C4orf17: variants seen among roughly 807,000 people sequenced by gnomAD.
C4orf17 encodes chromosome 4 open reading frame 17, also known as uncharacterized protein C4orf17.
C4orf17 carries 25 observed loss-of-function variants against 32.0 expected under a neutral mutation model. The observed-to-expected ratio is 0.78, with a 90% confidence interval of 0.57 to 1.09. The LOEUF (loss-of-function observed/expected upper bound fraction) is 1.09. Among genes scored for constraint, C4orf17 ranks in the 50% least tolerant of loss-of-function variants. C4orf17 has a pLI of 0.00. For missense variants in C4orf17, 420 were observed against 420.0 expected (o/e 1.00, Z 0.00); for synonymous variants, 149 against 145.8 (o/e 1.02, Z -0.16).
At chr4:99,520,353 C>G (rs887519384) in intron 2 of C4orf17, among the ~76,000 whole-genome samples, 6 of 152,286 alleles carry the variant, frequency 3.9e-5, no homozygotes, top group Middle Eastern at 3.4e-3. Context: ...CCTCAGCCTC[C>G]CAAAGTGCTG....
intron 3 of C4orf17, among the ~76,000 whole-genome samples, chr4:99,523,450 T>A (rs1433227018): frequency 2.0e-5 from 3 of 152,218 alleles, no homozygotes; most frequent in Non-Finnish European, 2.9e-5. Context: ...GAGTACTCAC[T>A]ATATGGACAT....
At chr4:99,527,300 T>C (rs1197384263) in intron 4 of C4orf17, among the ~76,000 whole-genome samples, 1 of 152,196 alleles carries the variant, frequency 6.6e-6, no homozygotes, top group East Asian at 1.9e-4. Flanking sequence ...TATTGAGACT[T>C]GTTATATGGC....
chr4:99,513,240 C>G (rs777052327), intron 2 of C4orf17, 32 bp downstream of exon 2: 1 of 1,611,610 alleles, frequency 6.2e-7, no homozygotes, highest in South Asian at 1.1e-5. Context: ...GTATGTGTCT[C>G]TATTCTCTAC....
At chr4:99,527,381 G>A (rs1457680194) in intron 4 of C4orf17, among the ~76,000 whole-genome samples, 1 of 152,088 alleles carries the variant, frequency 6.6e-6, no homozygotes, top group Admixed American at 6.5e-5. Flanking sequence ...CTGTTGTTTG[G>A]TAGAACGCAA....
At position 99,537,757 on chromosome 4, in the gene C4orf17, T is replaced by C. The variant is rs1723585578; in HGVS notation, c.628+7T>C. On this transcript the variant is annotated splice_region_variant and intron_variant, in intron 6 of 8. Transcript: ENST00000326581. ...CTTCATGCAACTTCAAAAGGTGCGA[T>C]TAAGATATAAATTTTAAAACACTGA... is the stretch of plus-strand genomic sequence containing the variant. 1 of 1,602,260 alleles carries C rather than the reference T, an allele frequency of 6.2e-7. No homozygotes were observed. Among genetic ancestry groups the C allele is most frequent in the Non-Finnish European group, 8.5e-7 (1 of 1,171,992 alleles).
chr4:99,532,806 T>C (rs1417475417), intron 5 of C4orf17, among the ~76,000 whole-genome samples: 1 of 152,092 alleles, frequency 6.6e-6, no homozygotes. Flanking sequence ...TTCATAGAGG[T>C]TATGAAATAA....
intron 1 of C4orf17, among the ~76,000 whole-genome samples, chr4:99,511,694 C>A (rs1325271162): frequency 6.6e-6 from 1 of 151,992 alleles, no homozygotes; most frequent in Admixed American, 6.6e-5. Flanking sequence ...GTACTCTTTT[C>A]CCCTCAATAC....
At chr4:99,530,218 A>G (rs883028) in intron 5 of C4orf17, among the ~76,000 whole-genome samples, 89,946 of 151,872 alleles carry the variant, frequency 0.59, 29,885 homozygotes, top group African/African-American at 0.89. Context: ...CACAAACCCA[A>G]CCCTATTCTT....
chr4:99,534,207 G>C (rs1723523457), intron 5 of C4orf17, among the ~76,000 whole-genome samples: 1 of 152,068 alleles, frequency 6.6e-6, no homozygotes, highest in South Asian at 2.1e-4. Context: ...TCATTGTTCA[G>C]CTCCCACTTA....
intron 4 of C4orf17, 35 bp downstream of exon 4, chr4:99,524,620 T>C (rs1723356700): frequency 7.7e-7 from 1 of 1,306,300 alleles, no homozygotes; most frequent in East Asian, 2.3e-5. Flanking sequence ...TCTATTTAGT[T>C]TGACTTCTAT....
chr4:99,529,768 A>G (rs1172721340), intron 4 of C4orf17, 47 bp from the exon 5 acceptor site: 4 of 1,459,500 alleles, frequency 2.7e-6, no homozygotes, highest in Non-Finnish European at 3.7e-6. Context: ...CATAGAAAAT[A>G]TAGGTGGATG....
chr4:99,520,074 C>CA (rs1185762412), intron 2 of C4orf17, among the ~76,000 whole-genome samples: 2 of 150,218 alleles, frequency 1.3e-5, no homozygotes, highest in Non-Finnish European at 3.0e-5. Flanking sequence ...GAAAAAACCC[C>CA]AAAACCCACA....
At chr4:99,518,640 C>T (rs1434450398) in intron 2 of C4orf17, among the ~76,000 whole-genome samples, 1 of 142,584 alleles carries the variant, frequency 7.0e-6, no homozygotes, top group African/African-American at 2.6e-5. Context: ...CCTTTGGAGG[C>T]TTCCCATGCA....
intron 2 of C4orf17, among the ~76,000 whole-genome samples, chr4:99,520,236 C>T (rs1004085585): frequency 6.7e-6 from 1 of 150,114 alleles, no homozygotes; most frequent in Non-Finnish European, 1.5e-5. Context: ...ACTACAGGCG[C>T]CTGCCACTGT....
chr4:99,538,538 C>T (rs7661453), intron 6 of C4orf17, among the ~76,000 whole-genome samples: 53,758 of 152,090 alleles, frequency 0.35, 10,191 homozygotes, highest in African/African-American at 0.49. Flanking sequence ...AGGAATTCAA[C>T]ACTACTTTTT....
At chr4:99,524,682 C>A in intron 4 of C4orf17, 97 bp downstream of exon 4, 1 of 726,174 alleles carries the variant, frequency 1.4e-6, no homozygotes, top group Non-Finnish European at 2.4e-6. Context: ...CCATGTTTCA[C>A]AATATTTTTA....
chr4:99,522,300 C>A (rs1290164581), intron 2 of C4orf17, among the ~76,000 whole-genome samples, 200 bp from the exon 3 acceptor site: 2 of 151,992 alleles, frequency 1.3e-5, no homozygotes, highest in African/African-American at 2.4e-5. Context: ...TGTAATTGGC[C>A]ACACTGACTT....
intron 4 of C4orf17, 28 bp downstream of exon 4, chr4:99,524,613 A>G (rs764047865): frequency 1.1e-5 from 15 of 1,379,248 alleles, no homozygotes; most frequent in African/African-American, 1.4e-5. Context: ...ACTGCTATCT[A>G]TTTAGTTTGA....
chr4:99,511,064 A>C lies in C4orf17; in HGVS notation c.-302A>C, dbSNP rs1287516118. On this transcript the variant is annotated 5_prime_UTR_variant, in exon 1 of 9. Transcript: ENST00000326581. ...GGGAGCCACACAGGCTCCTTGGAGTAAGAGTGTGAGAAACTGGATGAAGAC... is the reference window on the plus strand; with the variant it reads ...GGGAGCCACACAGGCTCCTTGGAGTCAGAGTGTGAGAAACTGGATGAAGAC... 6.6e-6 allele frequency: 1 copy of C among 152,164 alleles called. No homozygotes were observed. The highest frequency in any genetic ancestry group is 1.9e-4 in the East Asian group (1 of 5,194). 9.4% of individuals were successfully genotyped at this position (152,164 alleles called of 1,614,324 possible). A position where few individuals can be genotyped will look rare whatever the true frequency, so the allele number is the denominator to read the frequency against.
Sources: gnomAD v4.1 joint callset for allele counts (sites outside exome capture counted in the v4.1 genomes callset) on GRCh38, gnomAD v4.1.1 for gene constraint, MANE v1.5 for transcripts, NCBI Gene and HGNC (gene_info 2026-07-23, HGNC 2026-07-21) for gene names.